The following RBFOX1 variants were observed in gnomAD, a reference collection of about 807,000 sequenced individuals.
RBFOX1 encodes the protein RNA binding protein fox-1 homolog 1.
RBFOX1 carries 8 observed loss-of-function variants against 57.7 expected under a neutral mutation model. That is an observed-to-expected ratio of 0.14 (90% CI 0.08 to 0.25). The LOEUF (loss-of-function observed/expected upper bound fraction) is 0.25. Ranked by LOEUF, RBFOX1 falls within the 10% of genes least tolerant of loss-of-function variation. The pLI is 1.00. For missense variants in RBFOX1, 611 were observed against 548.5 expected (o/e 1.11, Z -1.14); for synonymous variants, 326 against 222.4 (o/e 1.47, Z -4.15).
chr16:7,178,402 A>T (rs1455895470), intron 4 of RBFOX1, among the ~76,000 whole-genome samples: 2 of 152,332 alleles, frequency 1.3e-5, no homozygotes, highest in East Asian at 3.9e-4. Context: ...TGGCAAACAC[A>T]ATCTTCCCAA....
intron 3 of RBFOX1, among the ~76,000 whole-genome samples, chr16:6,815,119 G>C (rs754173515): frequency 6.6e-6 from 1 of 152,120 alleles, no homozygotes; most frequent in African/African-American, 2.4e-5. Context: ...ACCATATAGC[G>C]TAACTTCCGG....
intron 3 of RBFOX1, among the ~76,000 whole-genome samples, chr16:6,847,182 C>G (rs905362843): frequency 2.0e-5 from 3 of 152,138 alleles, no homozygotes; most frequent in African/African-American, 7.2e-5. Flanking sequence ...CCCTCACTTC[C>G]AGGGACTTAA....
chr16:7,320,166 T>A (rs1294798216), intron 4 of RBFOX1, among the ~76,000 whole-genome samples: 1 of 152,160 alleles, frequency 6.6e-6, no homozygotes, highest in Non-Finnish European at 1.5e-5. Flanking sequence ...TCTGCACCCA[T>A]CAACCCATCA....
At chr16:6,054,311 T>G (rs2095587993) in intron 1 of RBFOX1, among the ~76,000 whole-genome samples, 1 of 152,184 alleles carries the variant, frequency 6.6e-6, no homozygotes, top group South Asian at 2.1e-4. Context: ...AAATAATAGT[T>G]CAACATAAAT....
chr16:6,991,872 C>T (rs1279401233), intron 3 of RBFOX1, among the ~76,000 whole-genome samples: 1 of 152,166 alleles, frequency 6.6e-6, no homozygotes, highest in Non-Finnish European at 1.5e-5. Context: ...ATAGGAATCA[C>T]TTCAGGGTTT....
At chr16:5,662,964 G>T (rs984061947) in intron 3 of RBFOX1, among the ~76,000 whole-genome samples, 12 of 152,182 alleles carry the variant, frequency 7.9e-5, no homozygotes, top group African/African-American at 2.7e-4. Flanking sequence ...TGTTATCTAT[G>T]ATTATCTGTA....
At chr16:5,942,230 T>C (rs2152266569) in intron 4 of RBFOX1, among the ~76,000 whole-genome samples, 2 of 152,228 alleles carry the variant, frequency 1.3e-5, no homozygotes, top group South Asian at 4.2e-4. Context: ...AGCCTCTCCA[T>C]AGTTTGCAGG....
intron 3 of RBFOX1, among the ~76,000 whole-genome samples, chr16:6,920,994 G>C (rs6500875): frequency 0.5 from 76,628 of 151,914 alleles, 19,334 homozygotes; most frequent in East Asian, 0.54. Context: ...GGATAAGTTT[G>C]CCCTTGTTTG....
At chr16:6,455,065 T>G (rs1597478201) in intron 2 of RBFOX1, among the ~76,000 whole-genome samples, 12 of 111,332 alleles carry the variant, frequency 1.1e-4, no homozygotes, top group Non-Finnish European at 1.4e-4. Context: ...TTTTTTTTTT[T>G]TGTATTTTTA....
chr16:5,333,654 A>G (rs1249055643), intron 1 of RBFOX1, among the ~76,000 whole-genome samples: 5 of 152,250 alleles, frequency 3.3e-5, no homozygotes, highest in Non-Finnish European at 4.4e-5. Flanking sequence ...TGAGAATTGT[A>G]TAGTTGGTTG....
chr16:7,642,085 A>G (rs1183635038), intron 11 of RBFOX1, among the ~76,000 whole-genome samples: 1 of 152,182 alleles, frequency 6.6e-6, no homozygotes, highest in African/African-American at 2.4e-5. Flanking sequence ...ACTGCACTCT[A>G]GCCTGGGGGA....
At chr16:5,511,593 C>T (rs2043595097) in intron 2 of RBFOX1, among the ~76,000 whole-genome samples, 1 of 152,132 alleles carries the variant, frequency 6.6e-6, no homozygotes, top group Non-Finnish European at 1.5e-5. Context: ...TGCCTCTTTC[C>T]CCTCAATATG....
chr16:5,246,186 C>T (rs1489760153), intron 1 of RBFOX1, among the ~76,000 whole-genome samples: 1 of 152,178 alleles, frequency 6.6e-6, no homozygotes, highest in Non-Finnish European at 1.5e-5. Flanking sequence ...AGGTTGCAGT[C>T]AGCCGAGATC....
intron 1 of RBFOX1, among the ~76,000 whole-genome samples, chr16:6,056,027 C>T (rs1393815349): frequency 2.6e-5 from 4 of 152,128 alleles, no homozygotes; most frequent in African/African-American, 4.8e-5. Flanking sequence ...TTTCTTTGCA[C>T]TCAATGAGGG....
At chr16:7,034,011 T>G (rs1289488366) in intron 3 of RBFOX1, among the ~76,000 whole-genome samples, 1 of 152,156 alleles carries the variant, frequency 6.6e-6, no homozygotes, top group Non-Finnish European at 1.5e-5. Flanking sequence ...ATTCAATACT[T>G]AGTGAATACT....
intron 1 of RBFOX1, among the ~76,000 whole-genome samples, chr16:5,396,189 C>G (rs759677841): frequency 1.3e-5 from 2 of 152,180 alleles, no homozygotes; most frequent in Non-Finnish European, 2.9e-5. Context: ...ATAGGTAATC[C>G]TCTTTGCAAT....
At chr16:6,628,962 G>T (rs546832600) in intron 2 of RBFOX1, among the ~76,000 whole-genome samples, 1 of 152,118 alleles carries the variant, frequency 6.6e-6, no homozygotes, top group African/African-American at 2.4e-5. Flanking sequence ...CCCAGGCTGC[G>T]GAGGTTACAG....
chr16:5,542,454 T>C (rs968812683), intron 2 of RBFOX1, among the ~76,000 whole-genome samples: 11 of 151,552 alleles, frequency 7.3e-5, no homozygotes, highest in African/African-American at 2.4e-4. Flanking sequence ...AGATGGGGTT[T>C]CACCATATTG....
intron 2 of RBFOX1, among the ~76,000 whole-genome samples, chr16:6,627,492 T>G (rs1400743054): frequency 1.3e-5 from 2 of 152,166 alleles, no homozygotes; most frequent in East Asian, 1.9e-4. Context: ...ATTGGAAACT[T>G]GCTCCCTGAA....
Sources: allele counts gnomAD v4.1 joint callset (sites outside exome capture counted in the v4.1 genomes callset), GRCh38; gene constraint gnomAD v4.1.1; transcripts MANE v1.5; gene names NCBI Gene and HGNC (gene_info 2026-07-23, HGNC 2026-07-21).